The following CHN2 variants were observed in gnomAD, a reference collection of about 807,000 sequenced individuals.
The protein encoded by CHN2 is beta-chimaerin.
In CHN2, 35 loss-of-function variants were observed where a neutral mutation model predicts 56.3. That is an observed-to-expected ratio of 0.62 (90% CI 0.47 to 0.82). CHN2 has a LOEUF of 0.82. CHN2 is among the 40% of genes least tolerant of loss of function. The probability of loss-of-function intolerance (pLI) is 0.00; values close to 1 mark genes in which losing one functional copy is unlikely to be tolerated. For missense variants in CHN2, 491 were observed against 580.5 expected, an observed-to-expected ratio of 0.85 and a Z score of 1.58; for synonymous variants, 210 against 212.8, an observed-to-expected ratio of 0.99 and a Z score of 0.12.
intron 2 of CHN2, among the ~76,000 whole-genome samples, chr7:29,182,849 C>T (rs1798228674): frequency 6.6e-6 from 1 of 152,102 alleles, no homozygotes; most frequent in Admixed American, 6.6e-5. Flanking sequence ...TGTGTTAATC[C>T]CGTTTTTGCC....
intron 1 of CHN2, among the ~76,000 whole-genome samples, chr7:29,217,238 A>G (rs1785414333): frequency 6.6e-6 from 1 of 152,210 alleles, no homozygotes; most frequent in African/African-American, 2.4e-5. Context: ...TGCAATGAGT[A>G]AACCACGGTA....
At chr7:29,285,568 C>T (rs1792081914) in intron 1 of CHN2, among the ~76,000 whole-genome samples, 1 of 152,200 alleles carries the variant, frequency 6.6e-6, no homozygotes. Context: ...TTTTTCGCAA[C>T]CACAATGCAG....
At chr7:29,212,145 G>T (rs1451427716) in intron 1 of CHN2, among the ~76,000 whole-genome samples, 4 of 152,118 alleles carry the variant, frequency 2.6e-5, no homozygotes, top group Admixed American at 2.6e-4. Flanking sequence ...GTTACCTCCT[G>T]CTATTGTGGA....
intron 6 of CHN2, among the ~76,000 whole-genome samples, chr7:29,405,987 A>G (rs1177593648): frequency 1.3e-5 from 2 of 152,152 alleles, no homozygotes; most frequent in East Asian, 1.9e-4. Flanking sequence ...AAGTCTTCAT[A>G]CAAGGTTGAG....
intron 6 of CHN2, among the ~76,000 whole-genome samples, chr7:29,404,940 T>C (rs1802509459): frequency 6.6e-6 from 1 of 151,952 alleles, no homozygotes; most frequent in Admixed American, 6.6e-5. Flanking sequence ...CCAGTATCAC[T>C]GATTGCCTTT....
chr7:29,191,684 C>T (rs1782915871), upstream of CHN2: 7 of 152,230 alleles, frequency 4.6e-5, no homozygotes, highest in Admixed American at 3.9e-4. Context: ...GCAGAAATGT[C>T]TTTTAAAATT....
intron 3 of CHN2, among the ~76,000 whole-genome samples, chr7:29,370,159 T>G (rs1799494034): frequency 6.6e-6 from 1 of 152,178 alleles, no homozygotes; most frequent in Non-Finnish European, 1.5e-5. Flanking sequence ...CAGTGTGATG[T>G]TAACTGCAGA....
rs142051268 is a variant in CHN2 at position 29,157,898 on chromosome 7, G to A, written c.274+10938G>A. On this transcript the variant is annotated intron_variant, in intron 2 of 6. Coordinates refer to the CHN2 transcript ENST00000439384. ...TCATGTGCTAATGTAAAAATGCTCC[G>A]GCAGTCCTTTCATTTTACTCTTCCT... Among the ~76,000 whole-genome samples, 469 of 152,178 alleles carry A rather than the reference G, an allele frequency of 3.1e-3. 2 individuals carry two copies. Among genetic ancestry groups the A allele is most frequent in the African/African-American group, 0.011 (451 of 41,528 alleles).
intron 1 of CHN2, among the ~76,000 whole-genome samples, chr7:29,252,467 C>T (rs1030328435): frequency 9.3e-5 from 14 of 151,156 alleles, no homozygotes; most frequent in Non-Finnish European, 1.3e-4. Flanking sequence ...GGATTACAGG[C>T]GCAAGCCACT....
intron 1 of CHN2, among the ~76,000 whole-genome samples, chr7:29,325,325 A>T (rs905709239): frequency 6.6e-6 from 1 of 152,222 alleles, no homozygotes; most frequent in African/African-American, 2.4e-5. Flanking sequence ...CATTTGGAGC[A>T]GTAGATGTTT....
intron 1 of CHN2, chr7:29,200,626 C>T (rs527864341): frequency 6.6e-6 from 1 of 151,916 alleles, no homozygotes; most frequent in Non-Finnish European, 1.5e-5. Flanking sequence ...TCCCTTTGGC[C>T]CATGGGGAAG....
At position 29,227,949 on chromosome 7, in the gene CHN2, T is replaced by C. The variant is rs1402437972; in HGVS notation, c.49+32959T>C. Among the ~76,000 whole-genome samples the C allele has an allele frequency of 4.6e-5, 7 of 152,134 alleles. No homozygotes were observed. In the East Asian group the frequency reaches 1.4e-3, roughly 29 times the overall value. On this transcript the variant is annotated intron_variant, in intron 1 of 12. Coordinates refer to ENST00000222792, the MANE Select transcript of CHN2 (RefSeq NM_004067.4). ...TTAATAAATCAAGATTGAAAAATCT[T>C]CCTTCATTCATGGATGCTGGCATCC...
At chr7:29,440,588 C>T (rs574265194) in intron 6 of CHN2, among the ~76,000 whole-genome samples, 28 of 148,760 alleles carry the variant, frequency 1.9e-4, no homozygotes, top group African/African-American at 5.2e-4. Flanking sequence ...CTACTTGGGA[C>T]GCAGGAGAAT....
chr7:29,345,640 C>A (rs1797375896), intron 1 of CHN2, among the ~76,000 whole-genome samples: 1 of 152,072 alleles, frequency 6.6e-6, no homozygotes, highest in Admixed American at 6.6e-5. Flanking sequence ...GGGGCCAGAT[C>A]GTGCAGAGTT....
chr7:29,496,732 C>A (rs543060027), intron 8 of CHN2, among the ~76,000 whole-genome samples: 1 of 152,260 alleles, frequency 6.6e-6, no homozygotes, highest in Admixed American at 6.5e-5. Context: ...GAGGTATACA[C>A]CTATTGCTAA....
intron 1 of CHN2, among the ~76,000 whole-genome samples, chr7:29,354,046 T>C (rs1798095312): frequency 6.6e-6 from 1 of 152,244 alleles, no homozygotes. Flanking sequence ...CATTTCTGAT[T>C]GCTCAGAGGT....
intron 1 of CHN2, among the ~76,000 whole-genome samples, chr7:29,286,420 G>A (rs1792151926): frequency 6.6e-6 from 1 of 152,002 alleles, no homozygotes; most frequent in African/African-American, 2.4e-5. Flanking sequence ...GAGGGGTGCA[G>A]GGAAAGGTGG....
chr7:29,173,802 G>T lies in CHN2; in HGVS notation c.274+26842G>T, dbSNP rs1455862643. 2.0e-5 allele frequency among the ~76,000 whole-genome samples: 3 copies of T among 151,630 alleles called. No homozygotes were observed. In the East Asian group the frequency reaches 5.8e-4, roughly 29 times the overall value. ...AAAAAAAAAAAAAAATTAGTCGAGTGTGGTGGTTCATGCCTGTAATCCCAT... is the reference window on the plus strand; with the variant it reads ...AAAAAAAAAAAAAAATTAGTCGAGTTTGGTGGTTCATGCCTGTAATCCCAT... On this transcript the variant is annotated intron_variant, in intron 2 of 6. Transcript: ENST00000439384.
intron 7 of CHN2, among the ~76,000 whole-genome samples, chr7:29,486,236 C>G (rs963415913): frequency 6.6e-6 from 1 of 152,118 alleles, no homozygotes; most frequent in Non-Finnish European, 1.5e-5. Flanking sequence ...AAGTCCTGGC[C>G]CACAAGCTGT....
Sources: allele counts gnomAD v4.1 joint callset (sites outside exome capture counted in the v4.1 genomes callset), GRCh38; gene constraint gnomAD v4.1.1; transcripts MANE v1.5; gene names NCBI Gene and HGNC (gene_info 2026-07-23, HGNC 2026-07-21).